The following PLCB4 variants were observed in gnomAD, a reference collection of about 807,000 sequenced individuals.
The protein encoded by PLCB4 is phospholipase C beta 4, also known as 1-phosphatidylinositol 4,5-bisphosphate phosphodiesterase beta-4.
PLCB4 carries 77 observed loss-of-function variants against 178.8 expected under a neutral mutation model. The ratio of observed to expected loss-of-function variants is 0.43; its 90% CI spans 0.36 to 0.52. PLCB4 has a LOEUF of 0.52. PLCB4 is among the 20% of genes least tolerant of loss of function. PLCB4 has a pLI of 0.00. For missense variants in PLCB4, 1,024 were observed against 1,453.4 expected, an observed-to-expected ratio of 0.70 and a Z score of 4.80; for synonymous variants, 496 against 490.8, an observed-to-expected ratio of 1.01 and a Z score of -0.14.
chr20:9,283,885 C>T (rs563400479), intron 3 of PLCB4, among the ~76,000 whole-genome samples: 3 of 151,890 alleles, frequency 2.0e-5, no homozygotes, highest in African/African-American at 7.2e-5. Context: ...GTTTTCTATC[C>T]CTGAGTCACC....
intron 2 of PLCB4, among the ~76,000 whole-genome samples, chr20:9,182,438 T>G (rs935035464): frequency 1.3e-5 from 2 of 152,176 alleles, no homozygotes; most frequent in Non-Finnish European, 2.9e-5. Context: ...TTGAGGGTTT[T>G]GGGGAATTTG....
intron 19 of PLCB4, among the ~76,000 whole-genome samples, chr20:9,397,761 A>C (rs987370776): frequency 1.3e-5 from 2 of 152,166 alleles, no homozygotes; most frequent in African/African-American, 4.8e-5. Context: ...AAGATATCTG[A>C]TACTACTCAG....
chr20:9,453,579 T>G (rs1339042441), intron 33 of PLCB4, 117 bp downstream of exon 33: 1 of 608,498 alleles, frequency 1.6e-6, no homozygotes, highest in African/African-American at 1.9e-5. Flanking sequence ...TTTTCATCAT[T>G]AAAAATTATT....
At chr20:9,429,333 A>C (rs1369129113) in intron 28 of PLCB4, among the ~76,000 whole-genome samples, 1 of 152,198 alleles carries the variant, frequency 6.6e-6, no homozygotes, top group East Asian at 1.9e-4. Context: ...GATGCCGATC[A>C]GCACTGGAAA....
At chr20:9,369,158 G>A (rs1159068971) in intron 9 of PLCB4, among the ~76,000 whole-genome samples, 1 of 152,080 alleles carries the variant, frequency 6.6e-6, no homozygotes, top group Admixed American at 6.5e-5. Context: ...CCCAGGTTCT[G>A]TTTCACCAGA....
At chr20:9,313,945 G>T (rs2147912941) in intron 4 of PLCB4, among the ~76,000 whole-genome samples, 1 of 152,312 alleles carries the variant, frequency 6.6e-6, no homozygotes, top group East Asian at 1.9e-4. Context: ...GGGCAGCAGG[G>T]CTGGGGGACT....
intron 2 of PLCB4, among the ~76,000 whole-genome samples, chr20:9,136,066 A>C (rs1289190572): frequency 6.6e-6 from 1 of 152,178 alleles, no homozygotes; most frequent in Non-Finnish European, 1.5e-5. Context: ...AGGTCGGTAC[A>C]TTTTTACTTT....
At chr20:9,130,714 C>T (rs2092251305) in intron 2 of PLCB4, among the ~76,000 whole-genome samples, 1 of 152,146 alleles carries the variant, frequency 6.6e-6, no homozygotes, top group South Asian at 2.1e-4. Flanking sequence ...TTTTTGTTAA[C>T]TTAGCACAGT....
At chr20:9,423,281 A>G (rs1294489783) in intron 27 of PLCB4, among the ~76,000 whole-genome samples, 2 of 152,242 alleles carry the variant, frequency 1.3e-5, no homozygotes, top group African/African-American at 2.4e-5. Flanking sequence ...TAATTTATTT[A>G]TTCAGAGATA....
chr20:9,236,201 A>T (rs1169941442), intron 3 of PLCB4, among the ~76,000 whole-genome samples: 1 of 152,166 alleles, frequency 6.6e-6, no homozygotes, highest in Non-Finnish European at 1.5e-5. Context: ...TATGGTAAGC[A>T]GGTACTCTGG....
At chr20:9,469,065 C>A (rs1439264259) in intron 36 of PLCB4, among the ~76,000 whole-genome samples, 1 of 151,834 alleles carries the variant, frequency 6.6e-6, no homozygotes, top group Admixed American at 6.6e-5. Context: ...CTCACTGCAA[C>A]CTCTGCCTGG....
chr20:9,069,670 A>G (rs1428554454), intron 1 of PLCB4, among the ~76,000 whole-genome samples: 1 of 152,208 alleles, frequency 6.6e-6, no homozygotes, highest in African/African-American at 2.4e-5. Flanking sequence ...AAAGCCTGTT[A>G]GTGAAGGAAA....
In PLCB4 at chr20:9,476,745, A is replaced by T; in HGVS notation, c.3524A>T (p.Gln1175Leu). Residue 1175 changes from glutamine (Q) to leucine (L), a missense_variant, in exon 39 of 40, where the codon CAA (glutamine) becomes CTA (leucine). Physicochemically the swap from Gln to Leu is moderately radical, Grantham distance 113. Transcript: ENST00000378473. ...TTGAAATCCTGTCATGCAGTGTCCC[A>T]AACGCAAGGTAGGACCGAAACTCTG... ...QLLKSCHAVS[Q>L]TQGEGDAADG... The T allele has an allele frequency of 1.2e-6, 2 of 1,609,704 alleles. No individual in the cohort carries two copies. Among genetic ancestry groups the T allele is most frequent in the Non-Finnish European group, 1.7e-6 (2 of 1,176,084 alleles).
intron 2 of PLCB4, among the ~76,000 whole-genome samples, chr20:9,167,872 T>A (rs571680882): frequency 1.3e-5 from 2 of 152,324 alleles, no homozygotes; most frequent in East Asian, 3.9e-4. Context: ...CCACAGATAT[T>A]TGAGCATAAA....
intron 25 of PLCB4, among the ~76,000 whole-genome samples, chr20:9,419,265 CCA>C (rs2040461351): frequency 6.6e-6 from 1 of 152,036 alleles, no homozygotes; most frequent in Non-Finnish European, 1.5e-5. Flanking sequence ...AGACAACAAT[CCA>C]CAGTCACATT....
intron 2 of PLCB4, among the ~76,000 whole-genome samples, chr20:9,203,158 A>G (rs912479212): frequency 6.6e-6 from 1 of 151,198 alleles, no homozygotes; most frequent in African/African-American, 2.4e-5. Flanking sequence ...TGTAAGCTGT[A>G]CTTACTCTTC....
At chr20:9,299,826 G>C (rs1415987434) in intron 3 of PLCB4, among the ~76,000 whole-genome samples, 1 of 151,992 alleles carries the variant, frequency 6.6e-6, no homozygotes, top group East Asian at 1.9e-4. Flanking sequence ...CTAGATAAAA[G>C]AGTATGGATA....
intron 2 of PLCB4, among the ~76,000 whole-genome samples, chr20:9,175,256 T>C (rs2093135057): frequency 6.6e-6 from 1 of 152,162 alleles, no homozygotes; most frequent in Non-Finnish European, 1.5e-5. Context: ...GAAACATCAG[T>C]GTTTTGTATT....
intron 2 of PLCB4, among the ~76,000 whole-genome samples, chr20:9,158,412 A>G (rs972568665): frequency 6.6e-6 from 1 of 150,546 alleles, no homozygotes; most frequent in Non-Finnish European, 1.5e-5. Context: ...ACTATGGGCA[A>G]GTGTCTCCAC....
Sources: allele counts gnomAD v4.1 joint callset (sites outside exome capture counted in the v4.1 genomes callset), GRCh38; gene constraint gnomAD v4.1.1; transcripts MANE v1.5; gene names NCBI Gene and HGNC (gene_info 2026-07-23, HGNC 2026-07-21).